STX18: variants seen among roughly 807,000 people sequenced by gnomAD.
STX18 encodes syntaxin-18.
A neutral mutation model predicts 50.1 loss-of-function variants in STX18; 40 were observed. The ratio of observed to expected loss-of-function variants is 0.80; its 90% confidence interval spans 0.62 to 1.04. The LOEUF is 1.04. STX18 is among the 50% of genes least tolerant of loss of function. The probability of loss-of-function intolerance (pLI) is 0.00; values close to 1 mark genes in which losing one functional copy is unlikely to be tolerated. For synonymous variants in STX18, 158 were observed against 151.8 expected, an observed-to-expected ratio of 1.04 and a Z score of -0.30; for missense variants, 410 against 415.8, an observed-to-expected ratio of 0.99 and a Z score of 0.12.
chr4:4,519,804 G>T (rs971899324), intron 1 of STX18, among the ~76,000 whole-genome samples: 7 of 152,136 alleles, frequency 4.6e-5, no homozygotes, highest in Admixed American at 3.9e-4. Context: ...CTTAAAGGTG[G>T]ATGAAACTGC....
intron 1 of STX18, among the ~76,000 whole-genome samples, chr4:4,540,630 T>C (rs922056607): frequency 3.3e-5 from 5 of 152,184 alleles, no homozygotes; most frequent in African/African-American, 1.2e-4. Flanking sequence ...ACTTGTTTTA[T>C]GTCTATGTCC....
intron 1 of STX18, among the ~76,000 whole-genome samples, chr4:4,529,352 TC>T (rs1215027129): frequency 3.3e-5 from 5 of 151,938 alleles, no homozygotes; most frequent in Non-Finnish European, 4.4e-5. Flanking sequence ...AGACTCCGTC[TC>T]AAAAAAAAGA....
Position 4,530,903 on chromosome 4 carries a change from G to A in STX18, c.168+10894C>T, listed in dbSNP as rs116535210. Among the ~76,000 whole-genome samples, 418 of 152,086 alleles carry A rather than the reference G, an allele frequency of 2.7e-3. 1 individual carries two copies. The highest frequency in any genetic ancestry group is 0.014 in the Middle Eastern group (4 of 294). ...ATTACAGGCATGAGCCACCATACCC[G>A]GTCAAACTTTTAAAACTCAGAAAGA... On this transcript the variant is annotated intron_variant, in intron 1 of 10. Transcript: ENST00000306200.
At position 4,490,240 on chromosome 4, in the gene STX18, T is replaced by C. The variant is rs1728883076; in HGVS notation, c.169-18534A>G. Among the ~76,000 whole-genome samples, 3 of 152,180 alleles carry C rather than the reference T, an allele frequency of 2.0e-5. No homozygotes were observed. The South Asian group carries it at 6.2e-4, about 31-fold the overall frequency. On this transcript the variant is annotated intron_variant, in intron 1 of 10. Coordinates refer to ENST00000306200, the MANE Select transcript of STX18 (RefSeq NM_016930.4). ...AGCTCTACAGCATTAGTCAGCATTA[T>C]CTGATCAAATATTAGCATGACCACT...
chr4:4,425,160 A>G lies in STX18; in HGVS notation c.761+4T>C, dbSNP rs200850368. On this transcript the variant is annotated splice_donor_region_variant and intron_variant, in intron 8 of 10. Coordinates refer to ENST00000306200, the MANE Select transcript of STX18 (RefSeq NM_016930.4). ...ATCAGCTCACAGAGGAGCTACAAACATACCTCACTTCATCAAACAAGCTGT... is the reference window on the plus strand; with the variant it reads ...ATCAGCTCACAGAGGAGCTACAAACGTACCTCACTTCATCAAACAAGCTGT... The G allele has an allele frequency of 2.5e-6, 4 of 1,613,590 alleles. No homozygotes were observed. Among genetic ancestry groups the G allele is most frequent in the African/African-American group, 1.3e-5 (1 of 75,044 alleles).
Position 4,420,074 on chromosome 4 carries a change from C to G in STX18, c.968G>C (p.Cys323Ser). The change falls in exon 11 of 11, where the codon TGC (cysteine) becomes TCC (serine). Residue 323 changes from cysteine (C) to serine (S), a missense_variant. Transcript: ENST00000306200. The surrounding 1 kb of genome is among the most constrained non-coding windows in gnomAD (Gnocchi z 4.3). ...GTCGAGGAAGAGCAAGGAGAAGGAG[C>G]ACATCACGAGGAAGAAGAGGATCCA... Reference protein sequence around the residue: ...RVWILFFLVMCSFSLLFLDWY... With the variant: ...RVWILFFLVMSSFSLLFLDWY... The G allele has an allele frequency of 6.2e-7, 1 of 1,613,414 alleles. No individual in the cohort carries two copies. The highest frequency in any genetic ancestry group is 8.5e-7 in the Non-Finnish European group (1 of 1,179,696).
At chr4:4,503,770 T>C (rs1362941915) in intron 1 of STX18, among the ~76,000 whole-genome samples, 1 of 152,206 alleles carries the variant, frequency 6.6e-6, no homozygotes, top group Non-Finnish European at 1.5e-5. Flanking sequence ...AATTGATGAC[T>C]GTAAAGTTTT....
chr4:4,470,928 G>C (rs1157401537), intron 2 of STX18, among the ~76,000 whole-genome samples: 3 of 152,324 alleles, frequency 2.0e-5, no homozygotes, highest in South Asian at 2.1e-4. Context: ...CTCAGGTGGT[G>C]ACATAATCCA....
At chr4:4,509,505 A>T (rs994659633) in intron 1 of STX18, among the ~76,000 whole-genome samples, 4 of 152,088 alleles carry the variant, frequency 2.6e-5, no homozygotes, top group African/African-American at 9.7e-5. Flanking sequence ...CATTCTTGTG[A>T]CAAAAAGGCT....
chr4:4,531,194 C>T (rs2108923675), intron 1 of STX18, among the ~76,000 whole-genome samples: 1 of 148,300 alleles, frequency 6.7e-6, no homozygotes, highest in African/African-American at 2.5e-5. Context: ...TAATGGGTTT[C>T]ACTAAAAAAT....
intron 1 of STX18, among the ~76,000 whole-genome samples, chr4:4,492,718 A>G (rs1728996256): frequency 6.6e-6 from 1 of 152,308 alleles, no homozygotes; most frequent in South Asian, 2.1e-4. Context: ...TCACCATATG[A>G]CTAAGAAGTT....
intron 1 of STX18, among the ~76,000 whole-genome samples, chr4:4,510,576 A>G (rs1003043318): frequency 6.6e-6 from 1 of 152,210 alleles, no homozygotes; most frequent in African/African-American, 2.4e-5. Flanking sequence ...TAGTTCAACC[A>G]TTGTGGAATA....
chr4:4,533,562 A>G (rs934788335), intron 1 of STX18, among the ~76,000 whole-genome samples: 4 of 152,254 alleles, frequency 2.6e-5, no homozygotes, highest in Non-Finnish European at 4.4e-5. Context: ...TCTGCACATT[A>G]GTTACAGTGC....
chr4:4,469,455 CA>C (rs1727798965), intron 2 of STX18, among the ~76,000 whole-genome samples: 1 of 151,806 alleles, frequency 6.6e-6, no homozygotes, highest in Non-Finnish European at 1.5e-5. Flanking sequence ...AAGGAGCAAG[CA>C]AGGTCAAATG....
chr4:4,505,559 C>G (rs915341947), intron 1 of STX18, among the ~76,000 whole-genome samples: 1 of 151,824 alleles, frequency 6.6e-6, no homozygotes, highest in South Asian at 2.1e-4. Flanking sequence ...GCAGGCGGAT[C>G]ACTTGAGGCC....
intron 1 of STX18, among the ~76,000 whole-genome samples, chr4:4,527,115 TG>T (rs1227262044): frequency 6.6e-6 from 1 of 152,208 alleles, no homozygotes; most frequent in Non-Finnish European, 1.5e-5. Flanking sequence ...CGCCTTCATC[TG>T]GGGACCTATT....
At chr4:4,485,691 G>A (rs1034519293) in intron 1 of STX18, among the ~76,000 whole-genome samples, 87 of 152,138 alleles carry the variant, frequency 5.7e-4, no homozygotes, top group Non-Finnish European at 2.1e-4. Flanking sequence ...CTGGGTGGAC[G>A]GCAGGCACTG....
At chr4:4,505,950 T>C (rs562008445) in intron 1 of STX18, among the ~76,000 whole-genome samples, 1 of 152,292 alleles carries the variant, frequency 6.6e-6, no homozygotes, top group East Asian at 1.9e-4. Flanking sequence ...GTTTTTTAAT[T>C]TAACTTAGCA....
At chr4:4,531,454 G>A (rs138058797) in intron 1 of STX18, among the ~76,000 whole-genome samples, 6 of 152,118 alleles carry the variant, frequency 3.9e-5, no homozygotes, top group Non-Finnish European at 5.9e-5. Context: ...TAAATGTTTC[G>A]TTATATTCTA....
Sources: gnomAD v4.1 joint callset for allele counts (sites outside exome capture counted in the v4.1 genomes callset) on GRCh38, gnomAD v4.1.1 for gene constraint, Gnocchi (gnomAD v3.1) non-coding constraint, MANE v1.5 for transcripts, NCBI Gene and HGNC (gene_info 2026-07-23, HGNC 2026-07-21) for gene names.